The following SUGCT variants were observed in gnomAD, a reference collection of about 807,000 sequenced individuals.
SUGCT encodes succinyl-CoA:glutarate CoA-transferase.
Under a neutral mutation model 55.0 loss-of-function variants are expected in SUGCT, and 41 were observed. That is an observed-to-expected ratio of 0.74 (90% CI 0.58 to 0.97). SUGCT has a LOEUF of 0.97. SUGCT is among the 50% of genes least tolerant of loss of function. The probability of loss-of-function intolerance (pLI) is 0.00; values close to 1 mark genes in which losing one functional copy is unlikely to be tolerated. For synonymous variants in SUGCT, 187 were observed against 200.4 expected, an observed-to-expected ratio of 0.93 and a Z score of 0.56; for missense variants, 568 against 547.8, an observed-to-expected ratio of 1.04 and a Z score of -0.37.
At chr7:40,664,646 A>G (rs1801508368) in intron 12 of SUGCT, among the ~76,000 whole-genome samples, 1 of 152,208 alleles carries the variant, frequency 6.6e-6, no homozygotes, top group Admixed American at 6.5e-5. Flanking sequence ...AGATTATGCT[A>G]AATGTGCAAT....
At chr7:41,032,116 C>T in the SUGCT span, among the ~76,000 whole-genome samples, 93 of 152,160 alleles carry the variant, frequency 6.1e-4, no homozygotes, top group Middle Eastern at 3.4e-3. Context: ...CCTTTCACAC[C>T]ACAGCTGTAA....
At chr7:40,706,266 G>C (rs999929158) in intron 12 of SUGCT, among the ~76,000 whole-genome samples, 7 of 152,172 alleles carry the variant, frequency 4.6e-5, no homozygotes, top group Non-Finnish European at 8.8e-5. Context: ...CAATACTTTG[G>C]GAGGCCGAGG....
the SUGCT span, among the ~76,000 whole-genome samples, chr7:40,922,668 A>G: frequency 1.3e-5 from 2 of 152,212 alleles, no homozygotes; most frequent in Non-Finnish European, 2.9e-5. Context: ...ATAGAGCAAA[A>G]TTCAAGGAGA....
chr7:40,319,191 A>C (rs10231959), intron 9 of SUGCT, among the ~76,000 whole-genome samples: 1 of 151,994 alleles, frequency 6.6e-6, no homozygotes, highest in Non-Finnish European at 1.5e-5. Flanking sequence ...TGTATTATCT[A>C]TAAGAAATAA....
intron 1 of SUGCT, among the ~76,000 whole-genome samples, chr7:40,145,171 A>T (rs577174244): frequency 3.7e-4 from 56 of 152,284 alleles, no homozygotes; most frequent in African/African-American, 1.0e-3. Context: ...AAAACAAAAA[A>T]TTTTTTTAAC....
intron 9 of SUGCT, among the ~76,000 whole-genome samples, chr7:40,386,918 C>T (rs1785158853): frequency 6.6e-6 from 1 of 152,176 alleles, no homozygotes; most frequent in Non-Finnish European, 1.5e-5. Flanking sequence ...TTTTCTTTCT[C>T]TTGCTGCTTG....
At chr7:40,646,135 C>T (rs1314964544) in intron 12 of SUGCT, among the ~76,000 whole-genome samples, 4 of 152,062 alleles carry the variant, frequency 2.6e-5, no homozygotes, top group Admixed American at 6.6e-5. Context: ...TAGCAATGGC[C>T]CACATATAAT....
intron 12 of SUGCT, among the ~76,000 whole-genome samples, chr7:40,505,415 T>C (rs1258534603): frequency 6.6e-6 from 1 of 152,154 alleles, no homozygotes; most frequent in African/African-American, 2.4e-5. Flanking sequence ...ATGTGTCTTA[T>C]GTCTTTTTTA....
Position 40,815,628 on chromosome 7 carries a change from A to G in SUGCT, c.1154-44688A>G, listed in dbSNP as rs182439223. Reference sequence around the variant, plus strand: ...AGATTTGCCTGGGCATGGAGCAGAAAGGGCCTCTCTGCATCTGGATCTCTG... The same window carrying G: ...AGATTTGCCTGGGCATGGAGCAGAAGGGGCCTCTCTGCATCTGGATCTCTG... On this transcript the variant is annotated intron_variant, in intron 13 of 13. Transcript: ENST00000335693. Among the ~76,000 whole-genome samples, 299 of 152,318 alleles carry G rather than the reference A, an allele frequency of 2.0e-3. 1 individual carries two copies. Among genetic ancestry groups the G allele is most frequent in the Non-Finnish European group, 3.1e-3 (211 of 68,020 alleles).
the SUGCT span, among the ~76,000 whole-genome samples, chr7:40,889,467 C>T: frequency 1.4e-3 from 212 of 152,242 alleles, no homozygotes; most frequent in African/African-American, 4.9e-3. Context: ...ACCGAAATGC[C>T]ATCAAAAGTA....
intron 7 of SUGCT, among the ~76,000 whole-genome samples, chr7:40,256,417 T>C (rs1790816096): frequency 3.3e-5 from 5 of 152,216 alleles, no homozygotes; most frequent in African/African-American, 2.4e-5. Flanking sequence ...CTACAGCTGA[T>C]TTATAGGTAT....
chr7:40,250,061 A>G (rs1790260747), intron 7 of SUGCT, among the ~76,000 whole-genome samples: 1 of 152,070 alleles, frequency 6.6e-6, no homozygotes, highest in Admixed American at 6.6e-5. Context: ...TGCTGGGATT[A>G]TAGGTGTGAG....
At chr7:40,642,198 G>A (rs1800299435) in intron 12 of SUGCT, among the ~76,000 whole-genome samples, 3 of 152,182 alleles carry the variant, frequency 2.0e-5, no homozygotes, top group Admixed American at 6.5e-5. Context: ...AGATTATGCC[G>A]TGGATATAAT....
At chr7:40,467,697 T>C (rs1790195083) in intron 11 of SUGCT, among the ~76,000 whole-genome samples, 1 of 152,176 alleles carries the variant, frequency 6.6e-6, no homozygotes, top group African/African-American at 2.4e-5. Context: ...GTAATTCTTA[T>C]AAGACTCAAC....
intron 1 of SUGCT, among the ~76,000 whole-genome samples, chr7:40,156,729 TA>T (rs1783915185): frequency 3.3e-5 from 5 of 152,106 alleles, no homozygotes; most frequent in Admixed American, 3.3e-4. Context: ...GTGCTACAAA[TA>T]GAAATTGTTG....
chr7:41,024,931 C>T, the SUGCT span, among the ~76,000 whole-genome samples: 2 of 152,126 alleles, frequency 1.3e-5, no homozygotes, highest in African/African-American at 2.4e-5. Flanking sequence ...AAGACATGGG[C>T]GTGTATAAGT....
chr7:41,018,308 C>T, the SUGCT span, among the ~76,000 whole-genome samples: 1 of 152,140 alleles, frequency 6.6e-6, no homozygotes, highest in Admixed American at 6.5e-5. Flanking sequence ...GAGCTTTAAT[C>T]TCCAGCCAGC....
intron 12 of SUGCT, among the ~76,000 whole-genome samples, chr7:40,508,385 A>G (rs1352434871): frequency 6.6e-6 from 1 of 152,172 alleles, no homozygotes; most frequent in Non-Finnish European, 1.5e-5. Flanking sequence ...TGCCTAGAAT[A>G]TAGCTTCTGC....
At chr7:40,332,493 T>A (rs1796376162) in intron 9 of SUGCT, among the ~76,000 whole-genome samples, 1 of 151,920 alleles carries the variant, frequency 6.6e-6, no homozygotes, top group Non-Finnish European at 1.5e-5. Context: ...AAGATATATT[T>A]CTAGTCATTG....
Sources: allele counts gnomAD v4.1 joint callset (sites outside exome capture counted in the v4.1 genomes callset), GRCh38; gene constraint gnomAD v4.1.1; transcripts MANE v1.5; gene names NCBI Gene and HGNC (gene_info 2026-07-23, HGNC 2026-07-21).